The following CRCP variants were observed in gnomAD, a reference collection of about 807,000 sequenced individuals.
CRCP encodes the protein DNA-directed RNA polymerase III subunit RPC9.
In CRCP, 18 loss-of-function variants were observed where a neutral mutation model predicts 18.5. The observed-to-expected ratio is 0.97, with a 90% confidence interval of 0.67 to 1.44. The LOEUF (loss-of-function observed/expected upper bound fraction) is 1.44. Among genes scored for constraint, CRCP ranks in the 40% most tolerant of loss-of-function variants. CRCP has a pLI of 0.00. For missense variants in CRCP, 130 were observed against 176.4 expected (o/e 0.74, Z 1.49); for synonymous variants, 53 against 62.9 (o/e 0.84, Z 0.75).
At chr7:66,151,265 C>T (rs866534178) in intron 5 of CRCP, among the ~76,000 whole-genome samples, 20 of 152,278 alleles carry the variant, frequency 1.3e-4, no homozygotes, top group African/African-American at 4.1e-4. Flanking sequence ...GTTGCTGATA[C>T]AGTTCATTAA....
At chr7:66,142,392 A>G (rs1051941293) in intron 4 of CRCP, among the ~76,000 whole-genome samples, 2 of 152,180 alleles carry the variant, frequency 1.3e-5, no homozygotes, top group Non-Finnish European at 2.9e-5. Flanking sequence ...TCGTTCCTCC[A>G]CAATCATTCC....
intron 4 of CRCP, among the ~76,000 whole-genome samples, chr7:66,142,634 G>A (rs879861231): frequency 1.8e-4 from 28 of 152,300 alleles, no homozygotes; most frequent in South Asian, 1.5e-3. Context: ...AGGACTACAG[G>A]TGTATGCCAC....
chr7:66,128,508 T>G (rs994530541), intron 2 of CRCP, among the ~76,000 whole-genome samples: 32 of 152,208 alleles, frequency 2.1e-4, no homozygotes, highest in Non-Finnish European at 4.4e-4. Flanking sequence ...AAAGTGAGTT[T>G]AAGCCGAGCA....
At chr7:66,128,977 T>C (rs576161432) in intron 2 of CRCP, among the ~76,000 whole-genome samples, 238 of 152,266 alleles carry the variant, frequency 1.6e-3, no homozygotes, top group Non-Finnish European at 2.1e-3. Context: ...GGAGAGAAGA[T>C]TGCTTGAGGC....
chr7:66,126,705 A>G (rs62467450), intron 1 of CRCP: 18,575 of 407,334 alleles, frequency 0.046, 1,843 homozygotes, highest in Middle Eastern at 0.1. Flanking sequence ...TTTTATCATA[A>G]CAGTTTGATG....
At position 66,114,921 on chromosome 7, in the gene CRCP, T is replaced by C; in HGVS notation, c.-42T>C. The C allele has an allele frequency of 6.2e-7, 1 of 1,610,688 alleles. No individual in the cohort carries two copies. The highest frequency in any genetic ancestry group is 8.5e-7 in the Non-Finnish European group (1 of 1,177,618). Reference sequence around the variant, plus strand: ...GCGGAGACAGCTGTGAAGTGTGAGGTTCTTTGTCTGCTGGCAGCTAGGGGC... The same window carrying C: ...GCGGAGACAGCTGTGAAGTGTGAGGCTCTTTGTCTGCTGGCAGCTAGGGGC... On this transcript the variant is annotated 5_prime_UTR_variant, in exon 1 of 6. Coordinates refer to ENST00000395326, the MANE Select transcript of CRCP (RefSeq NM_014478.5).
intron 5 of CRCP, among the ~76,000 whole-genome samples, chr7:66,151,693 G>C (rs879793663): frequency 1.5e-4 from 22 of 149,856 alleles, no homozygotes; most frequent in African/African-American, 3.0e-4. Context: ...GTGTGTGTGT[G>C]TGTGTGTGTG....
At chr7:66,150,843 A>G (rs1788436408) in intron 5 of CRCP, 1 of 152,128 alleles carries the variant, frequency 6.6e-6, no homozygotes, top group Non-Finnish European at 1.5e-5. Flanking sequence ...CCACCAAGCA[A>G]ACAGGGTTAA....
intron 5 of CRCP, among the ~76,000 whole-genome samples, chr7:66,149,271 C>T (rs572876647): frequency 6.6e-6 from 1 of 152,152 alleles, no homozygotes; most frequent in African/African-American, 2.4e-5. Flanking sequence ...TGTCTATAAC[C>T]CCAGCACTTT....
rs545514999 is a variant in CRCP, at chr7:66,133,462, C to T, written c.145-818C>T. Reference sequence around the variant, plus strand: ...GGCGGAGCTTGCAGTGAGCCGAGATCGTGCCGCTGCACTCCAGCCTGCAGT... The same window carrying T: ...GGCGGAGCTTGCAGTGAGCCGAGATTGTGCCGCTGCACTCCAGCCTGCAGT... On this transcript the variant is annotated intron_variant, in intron 3 of 5. Coordinates refer to ENST00000395326, the MANE Select transcript of CRCP (RefSeq NM_014478.5). Among the ~76,000 whole-genome samples the T allele has an allele frequency of 7.4e-5, 11 of 149,384 alleles. 2 individuals carry two copies. The South Asian group carries it at 2.1e-3, about 29-fold the overall frequency.
intron 3 of CRCP, among the ~76,000 whole-genome samples, chr7:66,131,254 A>G (rs376472174): frequency 1.2e-4 from 19 of 152,040 alleles, no homozygotes; most frequent in African/African-American, 4.1e-4. Context: ...GATTACAGGC[A>G]TGAGCCACCG....
chr7:66,139,518 A>G (rs1415001435), intron 4 of CRCP, among the ~76,000 whole-genome samples: 2 of 152,160 alleles, frequency 1.3e-5, no homozygotes, highest in African/African-American at 4.8e-5. Flanking sequence ...GGTCGAGGTA[A>G]TTGTAGATTG....
At chr7:66,151,419 G>A (rs977125006) in intron 5 of CRCP, among the ~76,000 whole-genome samples, 1 of 152,040 alleles carries the variant, frequency 6.6e-6, no homozygotes, top group African/African-American at 2.4e-5. Flanking sequence ...AATACGAACA[G>A]TTAACTGTCT....
At chr7:66,137,654 C>G (rs1279839225) in intron 4 of CRCP, among the ~76,000 whole-genome samples, 1 of 152,170 alleles carries the variant, frequency 6.6e-6, no homozygotes, top group Non-Finnish European at 1.5e-5. Flanking sequence ...TTGTCACTTG[C>G]TTTTTCTATA....
chr7:66,131,758 T>C (rs570868140), intron 3 of CRCP, among the ~76,000 whole-genome samples: 41 of 152,126 alleles, frequency 2.7e-4, no homozygotes, highest in Non-Finnish European at 4.9e-4. Flanking sequence ...CTTTTTATTT[T>C]GAAATCATTT....
chr7:66,121,742 A>G (rs1787449118), intron 1 of CRCP, among the ~76,000 whole-genome samples: 1 of 152,134 alleles, frequency 6.6e-6, no homozygotes, highest in South Asian at 2.1e-4. Context: ...CTTGAACGTA[A>G]TATATATAAT....
At chr7:66,145,368 A>G in intron 4 of CRCP, 75 bp from the exon 5 acceptor site, 1 of 1,473,682 alleles carries the variant, frequency 6.8e-7, no homozygotes, top group Non-Finnish European at 9.5e-7. Context: ...CTGGCAAATT[A>G]TTCTCTGTGC....
intron 5 of CRCP, among the ~76,000 whole-genome samples, chr7:66,151,447 T>C (rs1336458968): frequency 2.0e-5 from 3 of 152,110 alleles, no homozygotes; most frequent in Non-Finnish European, 4.4e-5. Context: ...CTCGTGCCTG[T>C]AGTCCCAGCT....
chr7:66,114,830 T>C, upstream of CRCP: 1 of 1,592,078 alleles, frequency 6.3e-7, no homozygotes, highest in South Asian at 1.1e-5. Flanking sequence ...GCTCCCGGCA[T>C]GCAGCGCGGC....
Sources: allele counts gnomAD v4.1 joint callset (sites outside exome capture counted in the v4.1 genomes callset), GRCh38; gene constraint gnomAD v4.1.1; transcripts MANE v1.5; gene names NCBI Gene and HGNC (gene_info 2026-07-23, HGNC 2026-07-21).